The following BSN variants were observed in gnomAD, a reference collection of about 807,000 sequenced individuals.
BSN encodes protein bassoon.
Under a neutral mutation model 264.8 loss-of-function variants are expected in BSN, and 57 were observed. The observed-to-expected ratio is 0.22, with a 90% CI of 0.17 to 0.27. The LOEUF (loss-of-function observed/expected upper bound fraction) is 0.27, where lower values mean the gene tolerates loss of function less well. BSN is among the 10% of genes least tolerant of loss of function. BSN has a pLI of 1.00. For missense variants in BSN, 4,615 were observed against 5,232.5 expected (o/e 0.88, Z 3.64); for synonymous variants, 2,059 against 2,137.3 (o/e 0.96, Z 1.01).
Position 49,652,646 on chromosome 3 carries a change from C to T in BSN, c.3090C>T (p.His1030=), listed in dbSNP as rs769805984. ...KQQRKARHRS[H]GPLLPTIEDS... ...AGCGCAAGGCCCGGCACCGCTCCCA[C>T]GGGCCCCTGCTACCCACCATCGAGG... The change falls in exon 5 of 12, where the codon CAC becomes CAT. Residue 1030 remains histidine, a synonymous_variant. Transcript: ENST00000296452. The T allele has an allele frequency of 1.1e-5, 18 of 1,608,004 alleles. No individual in the cohort carries two copies. The highest frequency in any genetic ancestry group is 8.9e-5 in the East Asian group (4 of 44,840).
chr3:49,579,632 A>C (rs1374100706), intron 1 of BSN, among the ~76,000 whole-genome samples: 2 of 151,492 alleles, frequency 1.3e-5, no homozygotes, highest in Non-Finnish European at 2.9e-5. Context: ...CATGTTGGTC[A>C]GGCTGGTCTC....
intron 1 of BSN, among the ~76,000 whole-genome samples, chr3:49,575,599 A>G (rs1165681672): frequency 1.4e-5 from 2 of 145,822 alleles, no homozygotes; most frequent in South Asian, 2.1e-4. Flanking sequence ...AGTCAAATAT[A>G]TATACATATA....
rs1272154049 is a variant in BSN at position 49,653,920 on chromosome 3, G to A, written c.4364G>A (p.Ser1455Asn). 1 of 1,614,164 alleles carries A rather than the reference G, an allele frequency of 6.2e-7. No homozygotes were observed. Among genetic ancestry groups the A allele is most frequent in the Non-Finnish European group, 8.5e-7 (1 of 1,180,022 alleles). The change falls in exon 5 of 12, where the codon AGT becomes AAT. Residue 1455 changes from serine to asparagine, a missense_variant. Coordinates refer to ENST00000296452, the MANE Select transcript of BSN (RefSeq NM_003458.4). The surrounding 1 kb of genome is among the most constrained non-coding windows in gnomAD (Gnocchi z 6.3). The part of the protein sequence containing the change: ...AGRAAREKPL[S>N]ASDGEGGTPQ... ...CGAGCTGCTAGAGAGAAGCCCTTGAGTGCGAGTGACGGTGAGGGTGGCACT... is the reference window on the plus strand; with the variant it reads ...CGAGCTGCTAGAGAGAAGCCCTTGAATGCGAGTGACGGTGAGGGTGGCACT...
Position 49,642,556 on chromosome 3 carries a change from C to A in BSN, c.922C>A (p.Gln308Lys). ...GGGGAGGGTGTCTCCTCAGCCCCCT[C>A]AACCCACCAAGCCTTCCACAGCTGA... ...EVGRVSPQPP[Q>K]PTKPSTAEPR... The change falls in exon 3 of 12, where the codon CAA becomes AAA. Residue 308 changes from glutamine (Q) to lysine (K), a missense_variant. Around this residue, in one of 3 missense-constraint regions of BSN, gnomAD observed 1,197 missense variants for 1,348.0 expected, o/e 0.89. Coordinates refer to ENST00000296452, the MANE Select transcript of BSN (RefSeq NM_003458.4). This position sits in a 1 kb window ranked among gnomAD's most constrained non-coding sequence, Gnocchi z 7.0. 6.2e-7 allele frequency: 1 copy of A among 1,602,268 alleles called. No individual in the cohort carries two copies. Among genetic ancestry groups the A allele is most frequent in the African/African-American group, 1.3e-5 (1 of 74,864 alleles).
At position 49,660,760 on chromosome 3, in the gene BSN, T is replaced by C; in HGVS notation, c.8915T>C (p.Ile2972Thr). Residue 2972 changes from isoleucine (I) to threonine (T), a missense_variant, in exon 6 of 12, where the codon ATT becomes ACT. Physicochemically the swap from Ile to Thr is moderately conservative, Grantham distance 89. Coordinates refer to ENST00000296452, the MANE Select transcript of BSN (RefSeq NM_003458.4). The surrounding 1 kb of genome is among the most constrained non-coding windows in gnomAD (Gnocchi z 7.1). ...GAGCTGGATGAGGAGGAGAAGGAGA[T>C]TGACGCCAAGCTCAAGTACCTGGAG... is the stretch of plus-strand genomic sequence containing the variant. ...QAELDEEEKE[I>T]DAKLKYLELG... is the part of the protein sequence containing the mutation. The C allele has an allele frequency of 6.2e-7, 1 of 1,613,196 alleles. No individual in the cohort carries two copies. The highest frequency in any genetic ancestry group is 8.5e-7 in the Non-Finnish European group (1 of 1,179,966).
chr3:49,653,527 C>T lies in BSN; in HGVS notation c.3971C>T (p.Ser1324Phe). ...PTQLAAPVSF[S>F]TPTSSDSSGG... Reference sequence around the variant, plus strand: ...CAGCTCGCTGCCCCTGTGTCCTTCTCTACCCCCACCTCCTCAGACAGCAGC... The same window carrying T: ...CAGCTCGCTGCCCCTGTGTCCTTCTTTACCCCCACCTCCTCAGACAGCAGC... Residue 1324 changes from serine to phenylalanine, a missense_variant, in exon 5 of 12, where the codon TCT becomes TTT. By Grantham distance (155) the Ser-to-Phe change is radical (BLOSUM62 -2). Around this residue, in one of 3 missense-constraint regions of BSN, gnomAD observed 3,415 missense variants for 3,866.4 expected, o/e 0.88. Coordinates refer to ENST00000296452, the MANE Select transcript of BSN (RefSeq NM_003458.4). The surrounding 1 kb of genome is among the most constrained non-coding windows in gnomAD (Gnocchi z 6.3). 1 of 1,613,980 alleles carries T rather than the reference C, an allele frequency of 6.2e-7. No individual in the cohort carries two copies. Among genetic ancestry groups the T allele is most frequent in the South Asian group, 1.1e-5 (1 of 91,060 alleles).
intron 1 of BSN, among the ~76,000 whole-genome samples, chr3:49,608,490 A>G (rs1252307849): frequency 6.6e-6 from 1 of 152,170 alleles, no homozygotes; most frequent in African/African-American, 2.4e-5. Flanking sequence ...CTGTCTTGAG[A>G]TGGCATTTTT....
intron 2 of BSN, among the ~76,000 whole-genome samples, chr3:49,636,438 G>A (rs1038939928): frequency 6.6e-6 from 1 of 152,114 alleles, no homozygotes; most frequent in African/African-American, 2.4e-5. Flanking sequence ...GATGGGGTGT[G>A]TTACAGGGTA....
rs751429161 is a variant in BSN at position 49,651,557 on chromosome 3, G to A, written c.2001G>A (p.Lys667=). 4.4e-6 allele frequency: 7 copies of A among 1,578,586 alleles called. No individual in the cohort carries two copies. The highest frequency in any genetic ancestry group is 5.2e-6 in the Non-Finnish European group (6 of 1,160,158). ...CCCTGCTGCAGGACCTGGTGGGCAAGCCTTACTCTCAGGATGCGTCTCGGA... is the reference window on the plus strand; with the variant it reads ...CCCTGCTGCAGGACCTGGTGGGCAAACCTTACTCTCAGGATGCGTCTCGGA... ...KGGEAEDLVG[K]PYSQDASRSP... Residue 667 remains lysine (K), a synonymous_variant, in exon 5 of 12, where the codon AAG becomes AAA. Transcript: ENST00000296452. The surrounding 1 kb of genome is among the most constrained non-coding windows in gnomAD (Gnocchi z 5.4).
intron 1 of BSN, among the ~76,000 whole-genome samples, chr3:49,613,405 A>G (rs1210464562): frequency 6.6e-6 from 1 of 150,846 alleles, no homozygotes; most frequent in Non-Finnish European, 1.5e-5. Flanking sequence ...CAGAGGGGCT[A>G]GCTATATCTC....
chr3:49,573,161 C>T (rs2051810931), intron 1 of BSN, among the ~76,000 whole-genome samples: 1 of 152,172 alleles, frequency 6.6e-6, no homozygotes, highest in African/African-American at 2.4e-5. Context: ...GGAGTAGGAC[C>T]AGAAGCCATG....
chr3:49,635,768 G>T (rs900258539), intron 2 of BSN, among the ~76,000 whole-genome samples: 2 of 151,992 alleles, frequency 1.3e-5, no homozygotes, highest in African/African-American at 4.8e-5. Context: ...TGAGCCCAGG[G>T]ATTCAGGAGC....
At chr3:49,614,975 G>A (rs907477958) in intron 1 of BSN, among the ~76,000 whole-genome samples, 5 of 152,110 alleles carry the variant, frequency 3.3e-5, no homozygotes, top group African/African-American at 7.2e-5. Context: ...TGGTCTCCCC[G>A]TCTGATGCTG....
Position 49,651,980 on chromosome 3 carries a change from C to T in BSN, c.2424C>T (p.Ser808=). Residue 808 remains serine, a synonymous_variant, in exon 5 of 12, where the codon AGC becomes AGT. Transcript: ENST00000296452. The surrounding 1 kb of genome is among the most constrained non-coding windows in gnomAD (Gnocchi z 5.4). Reference sequence around the variant, plus strand: ...CCGAGTCCTCAGACGACTTTGGCAGCCAATTGAGGCACGACTATGTGGAGG... The same window carrying T: ...CCGAGTCCTCAGACGACTTTGGCAGTCAATTGAGGCACGACTATGTGGAGG... ...DTAESSDDFG[S]QLRHDYVEDS... The T allele has an allele frequency of 3.1e-6, 5 of 1,613,462 alleles. No individual in the cohort carries two copies. The highest frequency in any genetic ancestry group is 1.3e-5 in the African/African-American group (1 of 75,056).
intron 2 of BSN, among the ~76,000 whole-genome samples, chr3:49,639,255 G>A (rs972222479): frequency 1.4e-5 from 2 of 146,442 alleles, no homozygotes; most frequent in African/African-American, 5.1e-5. Flanking sequence ...CTGGAGTGCA[G>A]TGGCATGATC....
At chr3:49,583,723 C>G (rs542365342) in intron 1 of BSN, among the ~76,000 whole-genome samples, 1 of 152,240 alleles carries the variant, frequency 6.6e-6, no homozygotes, top group Non-Finnish European at 1.5e-5. Flanking sequence ...ATTACTTATT[C>G]AGTTTATTTA....
Position 49,554,580 on chromosome 3 carries a change from C to A in BSN, c.-23C>A. On this transcript the variant is annotated 5_prime_UTR_variant, in exon 1 of 12. Coordinates refer to ENST00000296452, the MANE Select transcript of BSN (RefSeq NM_003458.4). ...CGGCCCGGGCGCAGCGCGACCCCGA[C>A]CCCGCCCGCCCGCCTGCCCGCCATG... The A allele has an allele frequency of 4.3e-6, 4 of 939,640 alleles. No individual in the cohort carries two copies. The highest frequency in any genetic ancestry group is 5.1e-6 in the Non-Finnish European group (4 of 788,542). 58.2% of individuals were successfully genotyped at this position (939,640 alleles called of 1,614,324 possible).
Position 49,653,968 on chromosome 3 carries a change from C to T in BSN, c.4412C>T (p.Ser1471Phe), listed in dbSNP as rs369737616. The T allele has an allele frequency of 6.2e-7, 1 of 1,613,976 alleles. No homozygotes were observed. The highest frequency in any genetic ancestry group is 1.3e-5 in the African/African-American group (1 of 74,906). Residue 1471 changes from serine to phenylalanine, a missense_variant, in exon 5 of 12, where the codon TCC becomes TTC. By Grantham distance (155) the Ser-to-Phe change is radical (BLOSUM62 -2). Transcript: ENST00000296452. The surrounding 1 kb of genome is among the most constrained non-coding windows in gnomAD (Gnocchi z 6.3). ...GGTPQPSRAY[S>F]YFASSSPPLS... ...ACTCCTCAGCCTTCCCGGGCATATTCCTACTTTGCAAGCTCCAGCCCACCT... is the reference window on the plus strand; with the variant it reads ...ACTCCTCAGCCTTCCCGGGCATATTTCTACTTTGCAAGCTCCAGCCCACCT...
chr3:49,630,356 CT>C (rs2052375816), intron 2 of BSN, among the ~76,000 whole-genome samples: 1 of 152,206 alleles, frequency 6.6e-6, no homozygotes, highest in Admixed American at 6.5e-5. Flanking sequence ...TTCAGGAGGC[CT>C]TTCTCCCACC....
Sources: gnomAD v4.1 joint callset for allele counts (sites outside exome capture counted in the v4.1 genomes callset) on GRCh38, gnomAD v4.1.1 for gene constraint, gnomAD v4.1.1 regional missense constraint, Gnocchi (gnomAD v3.1) non-coding constraint, MANE v1.5 for transcripts, NCBI Gene and HGNC (gene_info 2026-07-23, HGNC 2026-07-21) for gene names.